PTPRQ: variants seen among roughly 807,000 people sequenced by gnomAD.
PTPRQ encodes the protein protein tyrosine phosphatase receptor type Q, also known as phosphatidylinositol phosphatase PTPRQ.
PTPRQ carries 199 observed loss-of-function variants against 246.0 expected under a neutral mutation model. The observed-to-expected ratio is 0.81, with a 90% CI of 0.72 to 0.91. PTPRQ has a LOEUF of 0.91. Among genes scored for constraint, PTPRQ ranks in the 40% least tolerant of loss-of-function variants. PTPRQ has a pLI of 0.00. For synonymous variants in PTPRQ, 869 were observed against 853.2 expected (o/e 1.02, Z -0.32); for missense variants, 2,624 against 2,528.4 (o/e 1.04, Z -0.81).
chr12:80,455,704 C>A (rs1248310331), intron 3 of PTPRQ, among the ~76,000 whole-genome samples: 1 of 151,922 alleles, frequency 6.6e-6, no homozygotes, highest in East Asian at 1.9e-4. Flanking sequence ...CATTCTCCTG[C>A]CTCAGCCTCC....
chr12:80,534,312 T>C lies in PTPRQ; in HGVS notation c.2839+137T>C, dbSNP rs569590197. The C allele has an allele frequency of 1.8e-4, 180 of 999,104 alleles. No homozygotes were observed. The African/African-American group carries it at 2.2e-3, about 12-fold the overall frequency. 61.9% of individuals were successfully genotyped at this position (999,104 alleles called of 1,614,324 possible). A position where few individuals can be genotyped will look rare whatever the true frequency, so the allele number is the denominator to read the frequency against. ...ATCAGTTTGATGAAAAATTGCATTT[T>C]GATCACTTTTTAGCTGTGTGATGTT... On this transcript the variant is annotated intron_variant, in intron 18 of 44. Coordinates refer to ENST00000644991, the MANE Select transcript of PTPRQ (RefSeq NM_001145026.2).
At chr12:80,465,435 A>G (rs1893361764) in intron 6 of PTPRQ, 1 of 152,158 alleles carries the variant, frequency 6.6e-6, no homozygotes, top group African/African-American at 2.4e-5. Flanking sequence ...TACAAGGAGG[A>G]ACTGGTACCA....
intron 17 of PTPRQ, among the ~76,000 whole-genome samples, chr12:80,528,512 C>G (rs925278963): frequency 6.6e-6 from 1 of 152,068 alleles, no homozygotes; most frequent in Non-Finnish European, 1.5e-5. Context: ...TTTGAGCACC[C>G]CTGGGAAGTC....
intron 39 of PTPRQ, among the ~76,000 whole-genome samples, chr12:80,661,483 C>A (rs368431606): frequency 2.7e-5 from 4 of 149,746 alleles, no homozygotes; most frequent in South Asian, 4.2e-4. Context: ...TTTTATATGC[C>A]GATATGTATA....
chr12:80,522,097 C>G (rs985518982), intron 17 of PTPRQ, among the ~76,000 whole-genome samples: 2 of 152,038 alleles, frequency 1.3e-5, no homozygotes, highest in Non-Finnish European at 2.9e-5. Flanking sequence ...AAGTTGGATT[C>G]CTAGGTATTT....
At chr12:80,519,905 C>T (rs1249684844) in intron 17 of PTPRQ, among the ~76,000 whole-genome samples, 1 of 152,150 alleles carries the variant, frequency 6.6e-6, no homozygotes, top group South Asian at 2.1e-4. Flanking sequence ...CTCAGTTAGT[C>T]TCTGTCTGAT....
chr12:80,451,180 T>G (rs1021083173), intron 3 of PTPRQ, among the ~76,000 whole-genome samples: 1 of 151,842 alleles, frequency 6.6e-6, no homozygotes, highest in African/African-American at 2.4e-5. Context: ...GTGTTTGTAG[T>G]ATTCTCTGAT....
chr12:80,539,909 G>T lies in PTPRQ; in HGVS notation c.3119G>T (p.Ser1040Ile). Residue 1040 changes from serine (S) to isoleucine (I), a missense_variant, in exon 20 of 45, where the codon AGC becomes ATC. Physicochemically the swap from Ser to Ile is moderately radical, Grantham distance 142 (BLOSUM62 -2). Transcript: ENST00000644991. ...ASTSVGNGNK[S>I]SDIIEVYTDQ... ...ACTTCAGTTGGAAATGGGAATAAAAGCAGTGACATCATTGAAGTATACACA... is the reference window on the plus strand; with the variant it reads ...ACTTCAGTTGGAAATGGGAATAAAATCAGTGACATCATTGAAGTATACACA... 1 of 1,548,562 alleles carries T rather than the reference G, an allele frequency of 6.5e-7. No individual in the cohort carries two copies. Among genetic ancestry groups the T allele is most frequent in the Non-Finnish European group, 8.7e-7 (1 of 1,145,392 alleles).
intron 17 of PTPRQ, among the ~76,000 whole-genome samples, chr12:80,522,057 C>A (rs1761003295): frequency 6.6e-6 from 1 of 152,126 alleles, no homozygotes; most frequent in South Asian, 2.1e-4. Flanking sequence ...GTTTGTAGTT[C>A]TCCTTGAAGA....
intron 25 of PTPRQ, among the ~76,000 whole-genome samples, chr12:80,558,110 C>G (rs1896699187): frequency 8.0e-6 from 1 of 124,968 alleles, no homozygotes; most frequent in Admixed American, 8.1e-5. Flanking sequence ...TTTCTTCTTT[C>G]TTTTCTTTCT....
Position 80,671,877 on chromosome 12 carries a change from TA to T in PTPRQ, c.6603-1291del, listed in dbSNP as rs1900980966. 2.6e-5 allele frequency among the ~76,000 whole-genome samples: 4 copies of T among 152,124 alleles called. No homozygotes were observed. In the South Asian group the frequency reaches 8.3e-4, roughly 32 times the overall value. On this transcript the variant is annotated intron_variant, in intron 42 of 44. Transcript: ENST00000644991. ...ACCAGCAAATACTTTCATCCCTGAC[TA>T]CCCCACACTCCTCACTGTACTCTCA...
At chr12:80,668,282 A>G (rs1273865049) in intron 39 of PTPRQ, among the ~76,000 whole-genome samples, 2 of 152,060 alleles carry the variant, frequency 1.3e-5, no homozygotes, top group East Asian at 3.9e-4. Context: ...ACCAAATTTC[A>G]GAGAAATTTG....
intron 19 of PTPRQ, among the ~76,000 whole-genome samples, chr12:80,536,595 G>A (rs1303351745): frequency 6.6e-6 from 1 of 152,218 alleles, no homozygotes; most frequent in Non-Finnish European, 1.5e-5. Context: ...TGTAGATATA[G>A]TTACAGATGT....
chr12:80,462,810 T>A (rs1442629770), intron 6 of PTPRQ: 2 of 143,394 alleles, frequency 1.4e-5, no homozygotes, highest in Non-Finnish European at 3.0e-5. Flanking sequence ...GAGGGTCCTG[T>A]CTGTTAGGAG....
At chr12:80,459,943 A>C (rs1893101761) in intron 5 of PTPRQ, among the ~76,000 whole-genome samples, 1 of 152,234 alleles carries the variant, frequency 6.6e-6, no homozygotes, top group African/African-American at 2.4e-5. Flanking sequence ...TTAAATTTGC[A>C]GAGGTAGACT....
chr12:80,583,189 C>T (rs1364460609), intron 25 of PTPRQ, among the ~76,000 whole-genome samples: 5 of 152,312 alleles, frequency 3.3e-5, no homozygotes, highest in South Asian at 2.1e-4. Flanking sequence ...GTTATACCCT[C>T]GATTCATTTG....
chr12:80,529,446 G>A (rs1353955146), intron 17 of PTPRQ, among the ~76,000 whole-genome samples: 1 of 152,114 alleles, frequency 6.6e-6, no homozygotes, highest in African/African-American at 2.4e-5. Context: ...CTAAGACTAT[G>A]ACTTTTCAAA....
In PTPRQ at chr12:80,484,090, C is replaced by T. The variant is rs80255587; in HGVS notation, c.1187-343C>T. The stretch of plus-strand genomic sequence containing the variant: ...GTGCAATCTCCACTCACTGTAACCT[C>T]CGCCTCTTGGGTTCAAGCAATTCTC... On this transcript the variant is annotated intron_variant, in intron 8 of 44. Transcript: ENST00000644991. Among the ~76,000 whole-genome samples, 1,010 of 152,118 alleles carry T rather than the reference C, an allele frequency of 6.6e-3. 11 individuals are homozygous for T. The highest frequency in any genetic ancestry group is 0.023 in the African/African-American group (956 of 41,490).
Position 80,654,407 on chromosome 12 carries a change from G to A in PTPRQ, c.6115+1573G>A, listed in dbSNP as rs138528659. Among the ~76,000 whole-genome samples, 45 of 152,186 alleles carry A rather than the reference G, an allele frequency of 3.0e-4. 1 individual carries two copies. In the East Asian group the frequency reaches 6.6e-3, roughly 22 times the overall value. ...GATGCAATGTAAGTATAAAAGTTAT[G>A]GACATTCCCATGTCTTTATATTTAT... On this transcript the variant is annotated intron_variant, in intron 38 of 44. Transcript: ENST00000644991.
Sources: allele counts gnomAD v4.1 joint callset (sites outside exome capture counted in the v4.1 genomes callset), GRCh38; gene constraint gnomAD v4.1.1; transcripts MANE v1.5; gene names NCBI Gene and HGNC (gene_info 2026-07-23, HGNC 2026-07-21).